Variants in PLEK observed in about 807,000 individuals in gnomAD.
The protein encoded by PLEK is platelet 47 kDa protein.
Under a neutral mutation model 43.9 loss-of-function variants are expected in PLEK, and 25 were observed. That is an observed-to-expected ratio of 0.57 (90% CI 0.41 to 0.79). The LOEUF is 0.79. Ranked by LOEUF, PLEK falls within the 30% of genes least tolerant of loss-of-function variation. The pLI is 0.00. For synonymous variants in PLEK, 152 were observed against 144.4 expected, an observed-to-expected ratio of 1.05 and a Z score of -0.38; for missense variants, 396 against 413.3, an observed-to-expected ratio of 0.96 and a Z score of 0.36.
intron 3 of PLEK, among the ~76,000 whole-genome samples, chr2:68,381,190 C>A (rs970503895): frequency 6.6e-6 from 1 of 151,842 alleles, no homozygotes; most frequent in African/African-American, 2.4e-5. Context: ...TATAACATAG[C>A]CATAATAAGT....
intron 1 of PLEK, among the ~76,000 whole-genome samples, chr2:68,367,407 A>T (rs1377168110): frequency 1.3e-5 from 2 of 151,994 alleles, no homozygotes; most frequent in African/African-American, 4.8e-5. Flanking sequence ...ATTTTTTCTG[A>T]TCCTCTCCCT....
chr2:68,382,449 C>T (rs1673642523), intron 3 of PLEK, 93 bp from the exon 4 acceptor site: 3 of 728,978 alleles, frequency 4.1e-6, no homozygotes, highest in Non-Finnish European at 4.7e-6. Flanking sequence ...TGCTCACCTC[C>T]CAGAGAGAAC....
chr2:68,388,495 A>C lies in PLEK; in HGVS notation c.762+4A>C. 6.8e-7 allele frequency: 1 copy of C among 1,463,964 alleles called. No individual in the cohort carries two copies. Among genetic ancestry groups the C allele is most frequent in the Non-Finnish European group, 9.6e-7 (1 of 1,043,114 alleles). The allele number at this position is 1,463,964 out of a possible 1,614,324, so 90.7% of individuals were successfully genotyped here. A position where few individuals can be genotyped will look rare whatever the true frequency, so the allele number is the denominator to read the frequency against. On this transcript the variant is annotated splice_donor_region_variant and intron_variant, in intron 6 of 8. Transcript: ENST00000234313. ...GCAGGGATGTTTACTGAAGCAGGTG[A>C]GTGGCCACAACTGCTCCCATCTAGC...
intron 1 of PLEK, among the ~76,000 whole-genome samples, chr2:68,368,380 G>A (rs1673324535): frequency 6.6e-6 from 1 of 152,168 alleles, no homozygotes; most frequent in South Asian, 2.1e-4. Context: ...GAAAACTGAG[G>A]TTCACAGAGA....
In PLEK at chr2:68,380,815, G is replaced by T. The variant is rs3816281; in HGVS notation, c.291G>T (p.Lys97Asn). 471,512 of 1,613,520 alleles carry T rather than the reference G, an allele frequency of 0.29. 76,985 individuals carry two copies. The highest frequency in any genetic ancestry group is 0.68 in the East Asian group (30,401 of 44,858). Reference protein sequence around the residue: ...EERDAWVRDIKKAIKCIEGGQ... With the variant: ...EERDAWVRDINKAIKCIEGGQ... Reference sequence around the variant, plus strand: ...GAGATGCCTGGGTTCGGGATATCAAGAAGGCCATTAAATGCATTGAAGGAG... The same window carrying T: ...GAGATGCCTGGGTTCGGGATATCAATAAGGCCATTAAATGCATTGAAGGAG... The change falls in exon 3 of 9, where the codon AAG becomes AAT. Residue 97 changes from lysine to asparagine, a missense_variant. Coordinates refer to ENST00000234313, the MANE Select transcript of PLEK (RefSeq NM_002664.3).
Position 68,380,507 on chromosome 2 carries a change from G to A in PLEK, c.198+24G>A, listed in dbSNP as rs759627285. 2.1e-5 allele frequency: 33 copies of A among 1,607,670 alleles called. No individual in the cohort carries two copies. The East Asian group carries it at 2.2e-4, about 11-fold the overall frequency. On this transcript the variant is annotated intron_variant, in intron 2 of 8. Coordinates refer to ENST00000234313, the MANE Select transcript of PLEK (RefSeq NM_002664.3). ...TGGTAAGTTGACATCATGAGCTGCCGTGAACCCCTGGTCAGGCACTCAACT... is the reference window on the plus strand; with the variant it reads ...TGGTAAGTTGACATCATGAGCTGCCATGAACCCCTGGTCAGGCACTCAACT...
At chr2:68,386,393 G>T in intron 4 of PLEK, 109 bp from the exon 5 acceptor site, 1 of 706,450 alleles carries the variant, frequency 1.4e-6, no homozygotes, top group South Asian at 2.1e-5. Flanking sequence ...TAACAGGGGA[G>T]ACGAGACAAG....
intron 1 of PLEK, among the ~76,000 whole-genome samples, chr2:68,375,940 G>A (rs771841967): frequency 1.3e-5 from 2 of 152,080 alleles, no homozygotes; most frequent in Non-Finnish European, 2.9e-5. Flanking sequence ...TTTTTTAAGG[G>A]CTACATTAAT....
intron 1 of PLEK, 157 bp downstream of exon 1, chr2:68,365,550 G>A: frequency 1.6e-6 from 1 of 625,394 alleles, no homozygotes; most frequent in Admixed American, 2.6e-5. Flanking sequence ...GTTGGAGTGG[G>A]GTTAGGGGAG....
At chr2:68,382,708 G>A in intron 4 of PLEK, 75 bp downstream of exon 4, 1 of 829,682 alleles carries the variant, frequency 1.2e-6, no homozygotes, top group South Asian at 1.4e-5. Context: ...TCGTCTGTGA[G>A]GTGGGGGTAT....
Position 68,386,709 on chromosome 2 carries a change from T to C in PLEK, c.657+23T>C, listed in dbSNP as rs764904903. 2.5e-6 allele frequency: 4 copies of C among 1,588,714 alleles called. No homozygotes were observed. In the South Asian group the frequency reaches 4.4e-5, roughly 18 times the overall value. On this transcript the variant is annotated intron_variant, in intron 5 of 8. Transcript: ENST00000234313. Reference sequence around the variant, plus strand: ...TTTGTAAGAAAAGCTCCCCATCTCTTCTTCCTGTAAGGGAGGCTGCCCTGA... The same window carrying C: ...TTTGTAAGAAAAGCTCCCCATCTCTCCTTCCTGTAAGGGAGGCTGCCCTGA...
At chr2:68,393,773 G>C (rs1286399954) in intron 7 of PLEK, among the ~76,000 whole-genome samples, 1 of 152,190 alleles carries the variant, frequency 6.6e-6, no homozygotes, top group Admixed American at 6.5e-5. Flanking sequence ...TGCATCAGGT[G>C]CATGGGACCA....
chr2:68,390,346 T>G (rs1156943285), intron 6 of PLEK, among the ~76,000 whole-genome samples: 1 of 152,258 alleles, frequency 6.6e-6, no homozygotes, highest in African/African-American at 2.4e-5. Flanking sequence ...GTGATTCTGA[T>G]GTGCAGCCAA....
Position 68,395,960 on chromosome 2 carries a change from A to C in PLEK, c.*144A>C. On this transcript the variant is annotated 3_prime_UTR_variant, in exon 9 of 9. Transcript: ENST00000234313. ...TTGCAGGGGGGTCTGAATGTAACTCACCATGTGGTGTGCAAGGTTCCCCTG... is the reference window on the plus strand; with the variant it reads ...TTGCAGGGGGGTCTGAATGTAACTCCCCATGTGGTGTGCAAGGTTCCCCTG... 1 of 697,718 alleles carries C rather than the reference A, an allele frequency of 1.4e-6. No individual in the cohort carries two copies. Among genetic ancestry groups the C allele is most frequent in the Non-Finnish European group, 2.5e-6 (1 of 399,046 alleles). The allele number at this position is 697,718 out of a possible 1,614,324, so 43.2% of individuals were successfully genotyped here.
At chr2:68,380,520 C>A in intron 2 of PLEK, 37 bp downstream of exon 2, 2 of 1,597,590 alleles carry the variant, frequency 1.3e-6, no homozygotes, top group South Asian at 2.2e-5. Context: ...AACCCCTGGT[C>A]AGGCACTCAA....
At chr2:68,365,632 C>G in intron 1 of PLEK, 2 of 470,708 alleles carry the variant, frequency 4.2e-6, no homozygotes, top group Non-Finnish European at 7.8e-6. Flanking sequence ...GATGGCAGGG[C>G]CTGGAAGGTG....
Position 68,386,414 on chromosome 2 carries a change from G to A in PLEK, c.473-88G>A, listed in dbSNP as rs750413962. On this transcript the variant is annotated intron_variant, in intron 4 of 8. Coordinates refer to ENST00000234313, the MANE Select transcript of PLEK (RefSeq NM_002664.3). ...GGGAGACGAGACAAGTCAGACCTGT[G>A]GGTGAGCTGGAGTCAGTTCAGGGGT... is the stretch of plus-strand genomic sequence containing the variant. 1.2e-4 allele frequency: 113 copies of A among 958,476 alleles called. 1 individual carries two copies. The highest frequency in any genetic ancestry group is 1.6e-4 in the Non-Finnish European group (100 of 624,860). The allele number at this position is 958,476 out of a possible 1,614,324, so 59.4% of individuals were successfully genotyped here.
At chr2:68,371,517 A>G (rs1176188074) in intron 1 of PLEK, among the ~76,000 whole-genome samples, 3 of 152,242 alleles carry the variant, frequency 2.0e-5, no homozygotes, top group African/African-American at 7.2e-5. Context: ...TGATTACTAT[A>G]TGCCAATTAC....
intron 5 of PLEK, among the ~76,000 whole-genome samples, chr2:68,387,078 T>C (rs1673761890): frequency 1.3e-5 from 2 of 152,206 alleles, no homozygotes; most frequent in Non-Finnish European, 2.9e-5. Flanking sequence ...TCATCTCGGC[T>C]CACTGCAACC....
Sources: gnomAD v4.1 joint callset for allele counts (sites outside exome capture counted in the v4.1 genomes callset) on GRCh38, gnomAD v4.1.1 for gene constraint, MANE v1.5 for transcripts, NCBI Gene and HGNC (gene_info 2026-07-23, HGNC 2026-07-21) for gene names.